Variants in CNTNAP2 observed in about 807,000 individuals in gnomAD.
CNTNAP2 encodes the protein contactin-associated protein-like 2.
CNTNAP2 carries 98 observed loss-of-function variants against 155.2 expected under a neutral mutation model. The observed-to-expected ratio is 0.63, with a 90% CI of 0.54 to 0.75. CNTNAP2 has a LOEUF of 0.75. CNTNAP2 is among the 30% of genes least tolerant of loss of function. CNTNAP2 has a pLI of 0.00. For synonymous variants in CNTNAP2, 651 were observed against 631.2 expected, an observed-to-expected ratio of 1.03 and a Z score of -0.47; for missense variants, 1,727 against 1,688.1, an observed-to-expected ratio of 1.02 and a Z score of -0.40.
chr7:146,303,405 T>C (rs1454775295), intron 1 of CNTNAP2, among the ~76,000 whole-genome samples: 1 of 150,542 alleles, frequency 6.6e-6, no homozygotes, highest in Non-Finnish European at 1.5e-5. Context: ...TTTTTTTTAA[T>C]TATTGTAGTA....
At chr7:147,262,840 T>C (rs1166312122) in intron 8 of CNTNAP2, among the ~76,000 whole-genome samples, 2 of 152,004 alleles carry the variant, frequency 1.3e-5, no homozygotes, top group Non-Finnish European at 2.9e-5. Flanking sequence ...GGTACCCAAG[T>C]ACAAGGAAAG....
chr7:146,834,498 A>G (rs1308771746), intron 2 of CNTNAP2, among the ~76,000 whole-genome samples: 1 of 152,154 alleles, frequency 6.6e-6, no homozygotes, highest in Non-Finnish European at 1.5e-5. Context: ...GGAAGGAAAG[A>G]CAGATGGAGG....
At chr7:146,129,884 G>T (rs1797689915) in intron 1 of CNTNAP2, among the ~76,000 whole-genome samples, 1 of 152,032 alleles carries the variant, frequency 6.6e-6, no homozygotes, top group Non-Finnish European at 1.5e-5. Flanking sequence ...CACAGGTAAG[G>T]TCATCAGTGA....
At chr7:147,463,510 A>G (rs538252761) in intron 10 of CNTNAP2, among the ~76,000 whole-genome samples, 1 of 152,330 alleles carries the variant, frequency 6.6e-6, no homozygotes, top group East Asian at 1.9e-4. Context: ...AGAGAGTAAA[A>G]TAGAGATAAA....
In CNTNAP2 at chr7:147,395,068, G is replaced by T. The variant is rs139444074; in HGVS notation, c.1499-541G>T. Among the ~76,000 whole-genome samples the T allele has an allele frequency of 4.6e-4, 69 of 151,558 alleles. 1 individual carries two copies. Among genetic ancestry groups the T allele is most frequent in the African/African-American group, 1.4e-3 (59 of 41,324 alleles). On this transcript the variant is annotated intron_variant, in intron 9 of 23. Coordinates refer to ENST00000361727, the MANE Select transcript of CNTNAP2 (RefSeq NM_014141.6). ...CTTAGATTTTATAAATTAAAAAAAG[G>T]CATCTATAATGCAAATATCTCTTTG...
intron 4 of CNTNAP2, among the ~76,000 whole-genome samples, chr7:147,083,587 TACAC>T (rs199678439): frequency 2.1e-5 from 3 of 144,436 alleles, no homozygotes; most frequent in Non-Finnish European, 4.5e-5. Flanking sequence ...TATATATATA[TACAC>T]ACACACGTCT....
intron 1 of CNTNAP2, among the ~76,000 whole-genome samples, chr7:146,455,976 C>T (rs1198704800): frequency 1.3e-5 from 2 of 152,066 alleles, no homozygotes; most frequent in African/African-American, 4.8e-5. Context: ...ACCATATTGG[C>T]TATAAACCAT....
chr7:147,514,588 T>C (rs1175804426), intron 11 of CNTNAP2, among the ~76,000 whole-genome samples: 5 of 150,296 alleles, frequency 3.3e-5, no homozygotes, highest in Non-Finnish European at 7.4e-5. Flanking sequence ...TGAGGTTAAT[T>C]AGGTTAAGAT....
intron 13 of CNTNAP2, among the ~76,000 whole-genome samples, chr7:147,700,913 C>T (rs549213537): frequency 3.3e-5 from 5 of 152,304 alleles, no homozygotes; most frequent in South Asian, 2.1e-4. Context: ...GACTCCCTGT[C>T]GTGGACTAAT....
At chr7:146,768,776 T>G (rs1414112211) in intron 1 of CNTNAP2, among the ~76,000 whole-genome samples, 1 of 152,194 alleles carries the variant, frequency 6.6e-6, no homozygotes, top group Non-Finnish European at 1.5e-5. Context: ...TCCATTAGGC[T>G]TATGTTACCA....
chr7:147,491,533 C>A (rs775848756), intron 11 of CNTNAP2, among the ~76,000 whole-genome samples: 3 of 152,166 alleles, frequency 2.0e-5, no homozygotes, highest in Admixed American at 6.5e-5. Flanking sequence ...TTAATAATAT[C>A]TTTCTCCTCC....
chr7:148,352,017 T>C, intron 21 of CNTNAP2, among the ~76,000 whole-genome samples: 1 of 152,140 alleles, frequency 6.6e-6, no homozygotes, highest in East Asian at 1.9e-4. Context: ...CTTCCCTATG[T>C]AGAGGCATAA....
At chr7:147,041,903 T>C (rs1799266403) in intron 3 of CNTNAP2, among the ~76,000 whole-genome samples, 1 of 152,232 alleles carries the variant, frequency 6.6e-6, no homozygotes. Context: ...CAAGTGATTT[T>C]GGTCAAGGAT....
intron 15 of CNTNAP2, among the ~76,000 whole-genome samples, chr7:147,990,221 CAA>C (rs1407495913): frequency 6.6e-6 from 1 of 152,156 alleles, no homozygotes; most frequent in African/African-American, 2.4e-5. Context: ...GCTTCAGAGA[CAA>C]GAGCTTGCAT....
At chr7:146,769,080 G>A (rs981796726) in intron 1 of CNTNAP2, among the ~76,000 whole-genome samples, 1 of 152,174 alleles carries the variant, frequency 6.6e-6, no homozygotes, top group Non-Finnish European at 1.5e-5. Flanking sequence ...TAGCTAGTCT[G>A]CCTTCATGAT....
intron 10 of CNTNAP2, among the ~76,000 whole-genome samples, chr7:147,450,095 A>G (rs1346494315): frequency 6.6e-6 from 1 of 152,236 alleles, no homozygotes; most frequent in Non-Finnish European, 1.5e-5. Flanking sequence ...ATGTTATAGT[A>G]TATGGCACAA....
intron 1 of CNTNAP2, among the ~76,000 whole-genome samples, chr7:146,714,056 A>AG (rs1801144836): frequency 1.3e-5 from 2 of 152,132 alleles, no homozygotes; most frequent in African/African-American, 4.8e-5. Context: ...CTTTTATATG[A>AG]TTACTGCTCT....
intron 21 of CNTNAP2, among the ~76,000 whole-genome samples, chr7:148,346,623 T>C (rs940358030): frequency 6.6e-6 from 1 of 151,478 alleles, no homozygotes; most frequent in Non-Finnish European, 1.5e-5. Flanking sequence ...AATACAAAAA[T>C]TAGCCAGGTG....
rs530475066 is a variant in CNTNAP2, at chr7:147,600,970, T to G, written c.1898-38136T>G. ...TTAGATTTAAATTTCTGGCATAATATAAGTATGAATTGTAATAATCCCCTG... is the reference window on the plus strand; with the variant it reads ...TTAGATTTAAATTTCTGGCATAATAGAAGTATGAATTGTAATAATCCCCTG... On this transcript the variant is annotated intron_variant, in intron 12 of 23. Transcript: ENST00000361727. 2.0e-5 allele frequency among the ~76,000 whole-genome samples: 3 copies of G among 152,302 alleles called. No homozygotes were observed. The South Asian group carries it at 6.2e-4, about 32-fold the overall frequency.
Sources: gnomAD v4.1 joint callset for allele counts (sites outside exome capture counted in the v4.1 genomes callset) on GRCh38, gnomAD v4.1.1 for gene constraint, MANE v1.5 for transcripts, NCBI Gene and HGNC (gene_info 2026-07-23, HGNC 2026-07-21) for gene names.